Variants in GIGYF2 observed in about 807,000 individuals in gnomAD.
The protein encoded by GIGYF2 is GRB10 interacting GYF protein 2, also known as GRB10-interacting GYF protein 2.
A neutral mutation model predicts 208.1 loss-of-function variants in GIGYF2; 25 were observed. That is an observed-to-expected ratio of 0.12 (90% CI 0.09 to 0.17). The LOEUF is 0.17. GIGYF2 is among the 10% of genes least tolerant of loss of function. The pLI is 1.00. For synonymous variants in GIGYF2, 534 were observed against 543.8 expected (o/e 0.98, Z 0.25); for missense variants, 1,302 against 1,579.4 (o/e 0.82, Z 2.98).
intron 8 of GIGYF2, among the ~76,000 whole-genome samples, chr2:232,777,526 C>A (rs947174140): frequency 6.6e-6 from 1 of 152,002 alleles, no homozygotes; most frequent in Non-Finnish European, 1.5e-5. Context: ...AAAGTAAAAT[C>A]TTGGAAGGCC....
At chr2:232,752,055 G>A (rs1661876248) in intron 5 of GIGYF2, among the ~76,000 whole-genome samples, 1 of 152,098 alleles carries the variant, frequency 6.6e-6, no homozygotes, top group Admixed American at 6.6e-5. Flanking sequence ...GGATTGGGAG[G>A]TTTTCACTGT....
In GIGYF2 at chr2:232,844,177, G is replaced by C. The variant is rs751106021; in HGVS notation, c.3021G>C (p.Gln1007His). 1.3e-6 allele frequency: 2 copies of C among 1,563,486 alleles called. No individual in the cohort carries two copies. The highest frequency in any genetic ancestry group is 1.2e-5 in the South Asian group (1 of 86,388). The change falls in exon 24 of 29, where the codon CAG (glutamine) becomes CAC (histidine). Residue 1007 changes from glutamine to histidine, a missense_variant. Physicochemically the swap from Gln to His is conservative, Grantham distance 24. This residue lies in a region of GIGYF2 where 701 missense variants were observed against 793.0 expected (regional missense o/e 0.88). Transcript: ENST00000373563. ...CGAAATCTCTTCTGGAGATCCAGCA[G>C]GAAGAGGCCAGGCAAATGCAAAAGC... is the stretch of plus-strand genomic sequence containing the variant. The part of the protein sequence containing the change: ...GTTKSLLEIQ[Q>H]EEARQMQKQQ...
chr2:232,735,212 G>T lies in GIGYF2; in HGVS notation c.15G>T (p.Thr5=), dbSNP rs751010433. The T allele has an allele frequency of 1.1e-5, 18 of 1,608,142 alleles. No homozygotes were observed. The highest frequency in any genetic ancestry group is 1.6e-4 in the Middle Eastern group (1 of 6,072). MAAE[T]QTLNFGPEWL... ...TACGGAAAAGAATGGCAGCGGAAAC[G>T]CAGACACTGAACTTTGGGCCTGAAT... Residue 5 remains threonine, a synonymous_variant, in exon 3 of 29, where the codon ACG becomes ACT. Transcript: ENST00000373563.
At chr2:232,751,149 A>G (rs1698325862) in intron 5 of GIGYF2, among the ~76,000 whole-genome samples, 1 of 152,018 alleles carries the variant, frequency 6.6e-6, no homozygotes, top group Non-Finnish European at 1.5e-5. Flanking sequence ...TTTTAAAGTC[A>G]TTGACCATAG....
At chr2:232,819,786 A>AGGGGGGG in intron 20 of GIGYF2, 41 bp from the exon 21 acceptor site, 2 of 413,094 alleles carry the variant, frequency 4.8e-6, no homozygotes. Context: ...GATAGACCTG[A>AGGGGGGG]GTCCCTCCCC....
rs548776890 is a variant in GIGYF2, at chr2:232,723,365, T to TA, written c.-43-11783dup. On this transcript the variant is annotated intron_variant, in intron 2 of 28. Transcript: ENST00000373563. ...CTTTCCATTGGGAATATATCTAAAA[T>TA]AAAAAAATGGAAATTTTCTTTCCAT... Among the ~76,000 whole-genome samples the TA allele has an allele frequency of 4.2e-3, 645 of 152,002 alleles. 8 individuals are homozygous for TA. The highest frequency in any genetic ancestry group is 0.015 in the African/African-American group (603 of 41,480).
In GIGYF2 at chr2:232,814,565, A is replaced by ACCC. The variant is rs35081043; in HGVS notation, c.2108-1062_2108-1060dup. On this transcript the variant is annotated intron_variant, in intron 18 of 28. Transcript: ENST00000373563. ...GTGACAGAGTGAGACTCCACCTCAA[A>ACCC]CCCCCCCCCCCCAAAAAAAAAGTAC... Among the ~76,000 whole-genome samples the ACCC allele has an allele frequency of 4.0e-3, 301 of 75,938 alleles. 22 individuals are homozygous for ACCC. Among genetic ancestry groups the ACCC allele is most frequent in the African/African-American group, 0.011 (224 of 21,152 alleles). The allele number at this position is 75,938 out of a possible 152,430, so 49.8% of individuals were successfully genotyped here.
At chr2:232,823,406 C>T (rs1334087909) in intron 21 of GIGYF2, among the ~76,000 whole-genome samples, 2 of 150,264 alleles carry the variant, frequency 1.3e-5, no homozygotes, top group African/African-American at 2.5e-5. Context: ...CACACTGTCA[C>T]CCAGGCTGCA....
At chr2:232,748,734 A>G (rs1267325797) in intron 4 of GIGYF2, among the ~76,000 whole-genome samples, 7 of 152,202 alleles carry the variant, frequency 4.6e-5, no homozygotes, top group Non-Finnish European at 1.0e-4. Context: ...GTGCTCTGGT[A>G]TAGCAGAGTT....
Position 232,845,909 on chromosome 2 carries a change from C to T in GIGYF2, c.3460+23C>T, listed in dbSNP as rs370187374. On this transcript the variant is annotated intron_variant, in intron 26 of 28. Transcript: ENST00000373563. ...ATGGTAAGAATTGGGGAGGGAAACCCGGCATGTGGAATGACAGAGCAGGAC... is the reference window on the plus strand; with the variant it reads ...ATGGTAAGAATTGGGGAGGGAAACCTGGCATGTGGAATGACAGAGCAGGAC... 4.0e-5 allele frequency: 60 copies of T among 1,490,278 alleles called. No homozygotes were observed. In the African/African-American group the frequency reaches 4.1e-4, roughly 10 times the overall value. 92.3% of individuals were successfully genotyped at this position (1,490,278 alleles called of 1,614,324 possible).
At chr2:232,813,959 G>C (rs1482061218) in intron 18 of GIGYF2, among the ~76,000 whole-genome samples, 1 of 144,536 alleles carries the variant, frequency 6.9e-6, no homozygotes, top group African/African-American at 2.6e-5. Context: ...ACAATCTCGG[G>C]TCACTGCAAC....
intron 17 of GIGYF2, 140 bp downstream of exon 17, chr2:232,811,491 G>A: frequency 3.0e-6 from 2 of 658,048 alleles, no homozygotes; most frequent in Non-Finnish European, 2.8e-6. Context: ...ATGTAAAAAA[G>A]TATATTTTAA....
chr2:232,803,439 T>C (rs1181581051), intron 14 of GIGYF2, among the ~76,000 whole-genome samples: 2 of 152,160 alleles, frequency 1.3e-5, no homozygotes, highest in African/African-American at 4.8e-5. Context: ...TTTTTGTGTG[T>C]GTGTGGAAAA....
chr2:232,838,017 C>T (rs1701698465), intron 22 of GIGYF2, among the ~76,000 whole-genome samples: 1 of 152,128 alleles, frequency 6.6e-6, no homozygotes, highest in African/African-American at 2.4e-5. Flanking sequence ...ATGATTGACA[C>T]ACTGCAGTTC....
chr2:232,817,345 T>C (rs1700945918), intron 20 of GIGYF2, among the ~76,000 whole-genome samples: 1 of 152,244 alleles, frequency 6.6e-6, no homozygotes, highest in Non-Finnish European at 1.5e-5. Flanking sequence ...CAGCATTAAA[T>C]GTCAAATTTT....
chr2:232,774,209 A>G (rs1198673905), intron 8 of GIGYF2, among the ~76,000 whole-genome samples: 2 of 152,134 alleles, frequency 1.3e-5, no homozygotes, highest in African/African-American at 4.8e-5. Context: ...AGTTAGTGCC[A>G]TATTGCCTCC....
intron 8 of GIGYF2, chr2:232,766,089 A>T (rs1434186828): frequency 4.4e-6 from 2 of 456,092 alleles, no homozygotes; most frequent in Non-Finnish European, 9.1e-6. Flanking sequence ...TGGTCTTTCT[A>T]TAGAAAACCT....
At position 232,806,694 on chromosome 2, in the gene GIGYF2, T is replaced by C; in HGVS notation, c.1806+37T>C. On this transcript the variant is annotated intron_variant, in intron 15 of 28. Transcript: ENST00000373563. The surrounding 1 kb of genome is among the most constrained non-coding windows in gnomAD (Gnocchi z 4.0). ...TCACCTCACCTGGAATACATATTAGTCACGGAAACACTTGATTCTCTTTGA... is the reference window on the plus strand; with the variant it reads ...TCACCTCACCTGGAATACATATTAGCCACGGAAACACTTGATTCTCTTTGA... The C allele has an allele frequency of 7.2e-7, 1 of 1,389,728 alleles. No homozygotes were observed. The highest frequency in any genetic ancestry group is 1.0e-6 in the Non-Finnish European group (1 of 975,640). The allele number at this position is 1,389,728 out of a possible 1,614,324, so 86.1% of individuals were successfully genotyped here.
At position 232,807,925 on chromosome 2, in the gene GIGYF2, T is replaced by C. The variant is rs111427408; in HGVS notation, c.1806+1268T>C. Among the ~76,000 whole-genome samples, 932 of 152,348 alleles carry C rather than the reference T, an allele frequency of 6.1e-3. 3 individuals carry two copies. The highest frequency in any genetic ancestry group is 0.02 in the African/African-American group (848 of 41,580). On this transcript the variant is annotated intron_variant, in intron 15 of 28. Coordinates refer to ENST00000373563, the MANE Select transcript of GIGYF2 (RefSeq NM_001103146.3). ...CTACAGTAAAGTCACCATTGACTTA[T>C]TCATCAATTGTATATTGAGGGCCTG... is the stretch of plus-strand genomic sequence containing the variant.
Sources: allele counts gnomAD v4.1 joint callset (sites outside exome capture counted in the v4.1 genomes callset), GRCh38; gene constraint gnomAD v4.1.1; regional missense constraint gnomAD v4.1.1; non-coding constraint Gnocchi (gnomAD v3.1); transcripts MANE v1.5; gene names NCBI Gene and HGNC (gene_info 2026-07-23, HGNC 2026-07-21).